Variants in MKLN1 observed in about 807,000 individuals in gnomAD.
MKLN1 encodes the protein muskelin 1, also known as muskelin.
A neutral mutation model predicts 99.0 loss-of-function variants in MKLN1; 18 were observed. The observed-to-expected ratio is 0.18, with a 90% CI of 0.13 to 0.27. The LOEUF (loss-of-function observed/expected upper bound fraction) is 0.27, where lower values mean the gene tolerates loss of function less well. Among genes scored for constraint, MKLN1 ranks in the 10% least tolerant of loss-of-function variants. The pLI is 1.00. For synonymous variants in MKLN1, 288 were observed against 293.2 expected (o/e 0.98, Z 0.18); for missense variants, 621 against 875.9 (o/e 0.71, Z 3.67).
intron 1 of MKLN1, among the ~76,000 whole-genome samples, chr7:131,130,703 GTTT>G (rs1795536400): frequency 6.6e-6 from 1 of 152,148 alleles, no homozygotes; most frequent in East Asian, 1.9e-4. Context: ...TAGATGAAAT[GTTT>G]TATTATTACA....
At chr7:131,183,316 GA>G (rs1796401631) in intron 2 of MKLN1, among the ~76,000 whole-genome samples, 4 of 152,166 alleles carry the variant, frequency 2.6e-5, no homozygotes, top group African/African-American at 9.7e-5. Context: ...GCAACTCTGA[GA>G]CTTAAGTGCT....
At chr7:131,313,893 A>AATTAAGGAT (rs1798615457) in intron 3 of MKLN1, among the ~76,000 whole-genome samples, 1 of 152,222 alleles carries the variant, frequency 6.6e-6, no homozygotes, top group Non-Finnish European at 1.5e-5. Flanking sequence ...GAGCTTTATA[A>AATTAAGGAT]ATTAAGGATT....
intron 2 of MKLN1, among the ~76,000 whole-genome samples, chr7:131,380,622 T>C (rs1793814358): frequency 1.3e-5 from 2 of 152,242 alleles, no homozygotes; most frequent in African/African-American, 2.4e-5. Flanking sequence ...CAAAAAGTTA[T>C]TCACTTTTTA....
At chr7:131,246,187 C>A (rs1289384288) in intron 3 of MKLN1, among the ~76,000 whole-genome samples, 1 of 152,232 alleles carries the variant, frequency 6.6e-6, no homozygotes, top group African/African-American at 2.4e-5. Context: ...TGACTTGTCA[C>A]CGGAGAACAT....
chr7:131,258,381 G>GATTCTGTTGCTGGAGGAA (rs1214232319), intron 3 of MKLN1, among the ~76,000 whole-genome samples: 10 of 152,174 alleles, frequency 6.6e-5, no homozygotes, highest in Non-Finnish European at 1.5e-4. Flanking sequence ...GCTGGAGGAA[G>GATTCTGTTGCTGGAGGAA]TGTCCTAACA....
At chr7:131,297,545 AT>A (rs928144811) in intron 3 of MKLN1, among the ~76,000 whole-genome samples, 1 of 151,902 alleles carries the variant, frequency 6.6e-6, no homozygotes, top group Admixed American at 6.6e-5. Context: ...GTATGTGTAG[AT>A]TTTAGTATAT....
At position 131,387,243 on chromosome 7, in the gene MKLN1, A is replaced by G. The variant is rs139342140; in HGVS notation, c.292A>G (p.Met98Val). 53 of 1,611,576 alleles carry G rather than the reference A, an allele frequency of 3.3e-5. No individual in the cohort carries two copies. The highest frequency in any genetic ancestry group is 4.2e-5 in the Non-Finnish European group (49 of 1,179,120). The part of the protein sequence containing the change: ...KVFGGMNEEN[M>V]TELLSSGLKN... ...CTTTGGTGGAATGAATGAAGAAAAT[A>G]TGACAGAGCTGTTGTCCAGGTGAGT... is the stretch of plus-strand genomic sequence containing the variant. Residue 98 changes from methionine to valine, a missense_variant, in exon 3 of 18, where the codon ATG (methionine) becomes GTG (valine). Met to Val is a conservative substitution (Grantham distance 21). Around this residue, in one of 8 missense-constraint regions of MKLN1, gnomAD observed 361 missense variants for 540.8 expected, o/e 0.67. Transcript: ENST00000352689.
At chr7:131,111,163 AG>A (rs1795191484) in intron 1 of MKLN1, among the ~76,000 whole-genome samples, 1 of 152,178 alleles carries the variant, frequency 6.6e-6, no homozygotes. Context: ...TTTAGAGGTA[AG>A]GGGTTGATGG....
rs1398680004 is a variant in MKLN1 at position 131,339,790 on chromosome 7, G to A, written c.98+11793G>A. Among the ~76,000 whole-genome samples, 5 of 152,066 alleles carry A rather than the reference G, an allele frequency of 3.3e-5. No individual in the cohort carries two copies. In the East Asian group the frequency reaches 5.8e-4, roughly 18 times the overall value. On this transcript the variant is annotated intron_variant, in intron 1 of 17. Coordinates refer to ENST00000352689, the MANE Select transcript of MKLN1 (RefSeq NM_013255.5). ...TTTTAAATTATTTACCTTTTTGTTA[G>A]GACTTTTATGGAATCTTATATTTAT...
intron 2 of MKLN1, among the ~76,000 whole-genome samples, chr7:131,380,424 AT>A (rs771633019): frequency 6.6e-6 from 1 of 152,232 alleles, no homozygotes; most frequent in African/African-American, 2.4e-5. Context: ...TGAAAACTGT[AT>A]TAAAAAATAC....
At chr7:131,302,125 G>C (rs902274819) in intron 3 of MKLN1, among the ~76,000 whole-genome samples, 1 of 152,238 alleles carries the variant, frequency 6.6e-6, no homozygotes, top group Non-Finnish European at 1.5e-5. Flanking sequence ...GCCTTATGGA[G>C]ATAATACTAT....
chr7:131,366,616 G>C (rs1364644296), intron 1 of MKLN1, among the ~76,000 whole-genome samples: 1 of 152,102 alleles, frequency 6.6e-6, no homozygotes, highest in Non-Finnish European at 1.5e-5. Context: ...TTCGAGACTA[G>C]CCTGGCCAAC....
chr7:131,463,025 G>T (rs1035348883), intron 12 of MKLN1, among the ~76,000 whole-genome samples, 192 bp from the exon 13 acceptor site: 2 of 152,114 alleles, frequency 1.3e-5, no homozygotes, highest in African/African-American at 4.8e-5. Flanking sequence ...GGGAGGCTGG[G>T]GCAGGAGGAT....
At chr7:131,318,479 C>T (rs1202178837) in intron 3 of MKLN1, among the ~76,000 whole-genome samples, 1 of 152,192 alleles carries the variant, frequency 6.6e-6, no homozygotes, top group Non-Finnish European at 1.5e-5. Flanking sequence ...ATTTATAGCA[C>T]TGAATGCCCA....
At chr7:131,127,392 A>T (rs1210651852) in intron 1 of MKLN1, among the ~76,000 whole-genome samples, 1 of 152,152 alleles carries the variant, frequency 6.6e-6, no homozygotes, top group Non-Finnish European at 1.5e-5. Flanking sequence ...GTGGGCGAGT[A>T]CGACTGAAGA....
At chr7:131,334,130 A>C (rs1282449042) in intron 1 of MKLN1, among the ~76,000 whole-genome samples, 1 of 152,182 alleles carries the variant, frequency 6.6e-6, no homozygotes, top group Non-Finnish European at 1.5e-5. Context: ...ATAGTTGAAA[A>C]ATAGAATATA....
At chr7:131,408,420 T>C (rs1794772357) in intron 6 of MKLN1, among the ~76,000 whole-genome samples, 1 of 152,238 alleles carries the variant, frequency 6.6e-6, no homozygotes, top group Non-Finnish European at 1.5e-5. Context: ...TTATTTCTTT[T>C]GTATGTAATC....
In MKLN1 at chr7:131,443,518, T is replaced by C. The variant is rs1455585944; in HGVS notation, c.1211T>C (p.Phe404Ser). ...MDSEKHMIYT[F>S]GGRILTCNGS... The stretch of plus-strand genomic sequence containing the variant: ...TCAGAAAAACATATGATCTACACTT[T>C]TGGTGGTAGAATTTTGACTTGTAAT... The change falls in exon 11 of 18, where the codon TTT (phenylalanine) becomes TCT (serine). Residue 404 changes from phenylalanine (F) to serine (S), a missense_variant. Physicochemically the swap from Phe to Ser is radical, Grantham distance 155. Coordinates refer to ENST00000352689, the MANE Select transcript of MKLN1 (RefSeq NM_013255.5). 19 of 1,613,742 alleles carry C rather than the reference T, an allele frequency of 1.2e-5. No homozygotes were observed. The highest frequency in any genetic ancestry group is 2.7e-5 in the African/African-American group (2 of 74,922).
At chr7:131,148,472 T>C (rs1795845117) in intron 2 of MKLN1, among the ~76,000 whole-genome samples, 1 of 152,190 alleles carries the variant, frequency 6.6e-6, no homozygotes, top group Non-Finnish European at 1.5e-5. Flanking sequence ...ATAAAAATTA[T>C]TGGATTGAAA....
Sources: gnomAD v4.1 joint callset for allele counts (sites outside exome capture counted in the v4.1 genomes callset) on GRCh38, gnomAD v4.1.1 for gene constraint, gnomAD v4.1.1 regional missense constraint, MANE v1.5 for transcripts, NCBI Gene and HGNC (gene_info 2026-07-23, HGNC 2026-07-21) for gene names.